The following MNAT1 variants were observed in gnomAD, a reference collection of about 807,000 sequenced individuals.
MNAT1 encodes CDK-activating kinase assembly factor MAT1.
A neutral mutation model predicts 42.0 loss-of-function variants in MNAT1; 43 were observed. The observed-to-expected ratio is 1.02, with a 90% CI of 0.80 to 1.32. The LOEUF is 1.32. Ranked by LOEUF, MNAT1 falls within the 40% of genes most tolerant of loss-of-function variation. The probability of loss-of-function intolerance (pLI) is 0.00; values close to 1 mark genes in which losing one functional copy is unlikely to be tolerated. For synonymous variants in MNAT1, 118 were observed against 120.0 expected, an observed-to-expected ratio of 0.98 and a Z score of 0.11; for missense variants, 306 against 350.4, an observed-to-expected ratio of 0.87 and a Z score of 1.01.
chr14:60,893,764 G>T (rs940381884), intron 7 of MNAT1, among the ~76,000 whole-genome samples: 2 of 151,948 alleles, frequency 1.3e-5, no homozygotes, highest in African/African-American at 4.8e-5. Context: ...TTTTCAACAG[G>T]CTCTGTAAGC....
At chr14:60,818,943 A>T in intron 6 of MNAT1, 96 bp downstream of exon 6, 1 of 1,389,958 alleles carries the variant, frequency 7.2e-7, no homozygotes, top group Non-Finnish European at 9.8e-7. Context: ...AAATGTTCAG[A>T]TGTTTAAGAA....
intron 7 of MNAT1, among the ~76,000 whole-genome samples, chr14:60,884,658 C>T (rs558786035): frequency 5.9e-5 from 9 of 152,094 alleles, no homozygotes; most frequent in South Asian, 2.1e-4. Flanking sequence ...TATTGTACTA[C>T]GTCTTGAAAA....
chr14:60,776,901 G>A (rs1243784785), intron 1 of MNAT1, among the ~76,000 whole-genome samples: 1 of 151,400 alleles, frequency 6.6e-6, no homozygotes, highest in African/African-American at 2.4e-5. Flanking sequence ...AGGCTGGAGT[G>A]CAGTGGCATG....
chr14:60,822,602 ATTT>A (rs138596729), intron 6 of MNAT1, among the ~76,000 whole-genome samples: 1 of 135,986 alleles, frequency 7.4e-6, no homozygotes, highest in Non-Finnish European at 1.6e-5. Context: ...GTTTTTAAGA[ATTT>A]TTTTTTTTTT....
At chr14:60,914,164 C>G (rs1255948717) in intron 7 of MNAT1, among the ~76,000 whole-genome samples, 1 of 152,194 alleles carries the variant, frequency 6.6e-6, no homozygotes, top group Non-Finnish European at 1.5e-5. Flanking sequence ...GTTTGTTAAG[C>G]CTGTTGGAAG....
At chr14:60,790,433 T>C (rs2031781848) in intron 1 of MNAT1, among the ~76,000 whole-genome samples, 1 of 152,152 alleles carries the variant, frequency 6.6e-6, no homozygotes, top group African/African-American at 2.4e-5. Flanking sequence ...GTGTATTCAG[T>C]GGAAGGCTGA....
rs538725817 is a variant in MNAT1, at chr14:60,846,876, G to A, written c.687+28029G>A. ...CATGTTGCTTGATGGTTATGTTGAA[G>A]TCTTCTGTGTCCTTACAGATTTTCT... On this transcript the variant is annotated intron_variant, in intron 6 of 7. Transcript: ENST00000261245. 2.6e-5 allele frequency among the ~76,000 whole-genome samples: 4 copies of A among 152,292 alleles called. No individual in the cohort carries two copies. In the South Asian group the frequency reaches 6.2e-4, roughly 24 times the overall value.
intron 1 of MNAT1, among the ~76,000 whole-genome samples, chr14:60,747,087 G>A (rs545637929): frequency 2.7e-5 from 4 of 147,106 alleles, no homozygotes; most frequent in South Asian, 2.1e-4. Flanking sequence ...CCAGGTTCAC[G>A]CCATTCTTCT....
chr14:60,776,237 C>A (rs577998596), intron 1 of MNAT1, among the ~76,000 whole-genome samples: 5 of 151,970 alleles, frequency 3.3e-5, no homozygotes, highest in Non-Finnish European at 7.4e-5. Context: ...GATGGGAGCT[C>A]CTTGTGAGGT....
chr14:60,941,444 A>C (rs1208926739), intron 7 of MNAT1, among the ~76,000 whole-genome samples: 1 of 152,230 alleles, frequency 6.6e-6, no homozygotes, highest in East Asian at 1.9e-4. Context: ...TCACACCTGT[A>C]GTTTCAGCCT....
chr14:60,948,331 T>C (rs2036320993), intron 7 of MNAT1, among the ~76,000 whole-genome samples: 1 of 152,058 alleles, frequency 6.6e-6, no homozygotes, highest in Non-Finnish European at 1.5e-5. Context: ...CTCAGGAGAC[T>C]GAGATGGGAC....
At chr14:60,758,135 A>C (rs749588527) in intron 1 of MNAT1, among the ~76,000 whole-genome samples, 7 of 152,044 alleles carry the variant, frequency 4.6e-5, no homozygotes, top group African/African-American at 9.7e-5. Context: ...CTGTCTCCTT[A>C]ATAACTTCCA....
chr14:60,787,790 A>G (rs972780056), intron 1 of MNAT1, among the ~76,000 whole-genome samples: 1 of 152,136 alleles, frequency 6.6e-6, no homozygotes, highest in Non-Finnish European at 1.5e-5. Flanking sequence ...TTCAAGTTTG[A>G]TCATGAGATT....
At chr14:60,837,998 G>A (rs906659186) in intron 6 of MNAT1, among the ~76,000 whole-genome samples, 4 of 152,122 alleles carry the variant, frequency 2.6e-5, no homozygotes, top group Non-Finnish European at 5.9e-5. Context: ...GGAATCTCTA[G>A]TAATGCTTCT....
intron 7 of MNAT1, among the ~76,000 whole-genome samples, chr14:60,940,223 C>G (rs1456015541): frequency 2.0e-5 from 3 of 152,186 alleles, no homozygotes; most frequent in African/African-American, 7.2e-5. Context: ...GAGCATTTAG[C>G]CCATTTACAT....
At chr14:60,961,921 G>A (rs1442070910) in intron 7 of MNAT1, among the ~76,000 whole-genome samples, 1 of 152,112 alleles carries the variant, frequency 6.6e-6, no homozygotes, top group Non-Finnish European at 1.5e-5. Context: ...CCAGAATCAG[G>A]CACTAGGTTT....
intron 7 of MNAT1, among the ~76,000 whole-genome samples, chr14:60,892,748 A>G (rs1214033262): frequency 6.6e-6 from 1 of 151,714 alleles, no homozygotes; most frequent in African/African-American, 2.4e-5. Context: ...TCTATTGTGT[A>G]TATTCTTGAG....
intron 1 of MNAT1, among the ~76,000 whole-genome samples, chr14:60,739,048 T>A (rs557682424): frequency 6.6e-6 from 1 of 152,276 alleles, no homozygotes; most frequent in South Asian, 2.1e-4. Flanking sequence ...CTGGAGTATC[T>A]GTTTCCAAGG....
intron 6 of MNAT1, among the ~76,000 whole-genome samples, chr14:60,870,602 C>G (rs75854338): frequency 2.0e-3 from 301 of 152,204 alleles, no homozygotes; most frequent in South Asian, 6.0e-3. Context: ...CATTTTGATG[C>G]TGATAGCAAA....
Sources: gnomAD v4.1 joint callset for allele counts (sites outside exome capture counted in the v4.1 genomes callset) on GRCh38, gnomAD v4.1.1 for gene constraint, MANE v1.5 for transcripts, NCBI Gene and HGNC (gene_info 2026-07-23, HGNC 2026-07-21) for gene names.